TTC7A: variants seen among roughly 807,000 people sequenced by gnomAD.
TTC7A encodes the protein tetratricopeptide repeat protein 7A.
In TTC7A, 110 loss-of-function variants were observed where a neutral mutation model predicts 103.7. The observed-to-expected ratio is 1.06, with a 90% CI of 0.91 to 1.24. The LOEUF (loss-of-function observed/expected upper bound fraction) is 1.24, where lower values mean the gene tolerates loss of function less well. Among genes scored for constraint, TTC7A ranks in the 50% most tolerant of loss-of-function variants. The pLI is 0.00. For missense variants in TTC7A, 1,340 were observed against 1,116.3 expected (o/e 1.20, Z -2.86); for synonymous variants, 521 against 467.9 (o/e 1.11, Z -1.47).
intron 8 of TTC7A, among the ~76,000 whole-genome samples, chr2:47,003,723 C>T (rs1245828051): frequency 1.3e-5 from 2 of 152,184 alleles, no homozygotes; most frequent in Non-Finnish European, 2.9e-5. Flanking sequence ...AGCCTCCACT[C>T]GGGGATGTGC....
chr2:46,986,760 C>T (rs933350110), intron 5 of TTC7A, among the ~76,000 whole-genome samples: 1 of 152,190 alleles, frequency 6.6e-6, no homozygotes, highest in African/African-American at 2.4e-5. Flanking sequence ...GCCAGATGGC[C>T]ACAGGCAGTG....
intron 11 of TTC7A, among the ~76,000 whole-genome samples, chr2:47,014,206 G>A (rs7585571): frequency 0.59 from 89,101 of 151,970 alleles, 26,417 homozygotes; most frequent in East Asian, 0.79. Flanking sequence ...CACTTGCCAT[G>A]TCTTGCACTC....
At chr2:46,928,005 C>T (rs1669486018) in intron 2 of TTC7A, among the ~76,000 whole-genome samples, 1 of 150,700 alleles carries the variant, frequency 6.6e-6, no homozygotes, top group South Asian at 2.1e-4. Context: ...GTGATCCTCC[C>T]ACCTCTGCCT....
intron 1 of TTC7A, among the ~76,000 whole-genome samples, chr2:46,946,628 A>G (rs1045781291): frequency 3.3e-5 from 5 of 151,992 alleles, no homozygotes; most frequent in African/African-American, 1.2e-4. Flanking sequence ...CACTATGTTG[A>G]CCAGGCTGGT....
At chr2:47,019,384 A>AAC (rs1389775735) in intron 11 of TTC7A, among the ~76,000 whole-genome samples, 45 of 152,236 alleles carry the variant, frequency 3.0e-4, no homozygotes, top group African/African-American at 1.1e-3. Context: ...TAAAAAAAAA[A>AAC]ACACACACAA....
chr2:47,066,365 ACTG>A (rs1210198373), intron 19 of TTC7A, among the ~76,000 whole-genome samples: 4 of 152,030 alleles, frequency 2.6e-5, no homozygotes, highest in African/African-American at 9.7e-5. Flanking sequence ...GAAGCTCCCT[ACTG>A]CCACCCCTGG....
At chr2:46,927,881 G>T (rs1187504070) in intron 2 of TTC7A, among the ~76,000 whole-genome samples, 1 of 135,334 alleles carries the variant, frequency 7.4e-6, no homozygotes, top group South Asian at 2.3e-4. Context: ...GGGTTTTTTT[G>T]GTGTTTTTTT....
chr2:47,061,778 A>AT (rs1231471655), intron 19 of TTC7A, among the ~76,000 whole-genome samples: 38 of 152,096 alleles, frequency 2.5e-4, no homozygotes, highest in African/African-American at 8.9e-4. Flanking sequence ...ATAGATTATC[A>AT]TTTTTTCCTG....
At chr2:46,988,350 A>G (rs1038530423) in intron 5 of TTC7A, among the ~76,000 whole-genome samples, 1 of 152,184 alleles carries the variant, frequency 6.6e-6, no homozygotes, top group African/African-American at 2.4e-5. Context: ...AGGGGTGAAC[A>G]GTTTGATGAC....
chr2:47,011,781 A>G (rs2104488157), intron 11 of TTC7A, among the ~76,000 whole-genome samples: 1 of 152,390 alleles, frequency 6.6e-6, no homozygotes, highest in African/African-American at 2.4e-5. Context: ...CTGAGGCTTC[A>G]GATGACCTTA....
chr2:47,016,047 G>A (rs962902769), intron 11 of TTC7A, among the ~76,000 whole-genome samples: 1 of 152,192 alleles, frequency 6.6e-6, no homozygotes, highest in Non-Finnish European at 1.5e-5. Flanking sequence ...AGATTCCGAG[G>A]GCAAACCTTT....
At chr2:46,944,470 C>T (rs775110929) in intron 1 of TTC7A, among the ~76,000 whole-genome samples, 1 of 143,460 alleles carries the variant, frequency 7.0e-6, no homozygotes, top group South Asian at 2.3e-4. Flanking sequence ...CACTCAAACT[C>T]GTGGGCTCAA....
At chr2:47,037,514 G>A (rs1471826504) in intron 15 of TTC7A, among the ~76,000 whole-genome samples, 1 of 152,226 alleles carries the variant, frequency 6.6e-6, no homozygotes, top group East Asian at 1.9e-4. Context: ...AGAAACTAAT[G>A]TGAAAGTTAG....
rs535221885 is a variant in TTC7A, at chr2:46,916,238, C to T, written c.-352C>T. On this transcript the variant is annotated 5_prime_UTR_variant, in exon 1 of 21. Coordinates refer to the TTC7A transcript ENST00000409245. ...AGAAAGATAATAGGAATGCTAATTC[C>T]TTCTTGATGAAACGACCACAACACG... The T allele has an allele frequency of 2.5e-5, 23 of 903,974 alleles. 1 individual carries two copies. The African/African-American group carries it at 3.9e-4, about 15-fold the overall frequency. The allele number at this position is 903,974 out of a possible 1,614,324, so 56.0% of individuals were successfully genotyped here.
intron 1 of TTC7A, among the ~76,000 whole-genome samples, chr2:46,916,898 G>T (rs972231374): frequency 1.8e-4 from 28 of 152,066 alleles, no homozygotes; most frequent in African/African-American, 6.8e-4. Flanking sequence ...CTCCCAAAGT[G>T]CTGGGATTAC....
At chr2:46,991,037 C>G (rs1052786080) in intron 5 of TTC7A, among the ~76,000 whole-genome samples, 1 of 152,098 alleles carries the variant, frequency 6.6e-6, no homozygotes, top group Non-Finnish European at 1.5e-5. Flanking sequence ...CTCAGCTTCC[C>G]GAATAGCTGG....
At chr2:46,999,451 A>T in intron 8 of TTC7A, 1 of 983,708 alleles carries the variant, frequency 1.0e-6, no homozygotes, top group Non-Finnish European at 1.2e-6. Flanking sequence ...TCATCTGTCT[A>T]TCCACCCACC....
intron 2 of TTC7A, among the ~76,000 whole-genome samples, chr2:46,923,277 C>A (rs778920379): frequency 6.6e-6 from 1 of 152,240 alleles, no homozygotes; most frequent in Non-Finnish European, 1.5e-5. Context: ...GCCCCTCTCT[C>A]CTCCCTGGAG....
intron 15 of TTC7A, among the ~76,000 whole-genome samples, chr2:47,036,153 A>G (rs937666005): frequency 6.6e-5 from 10 of 152,220 alleles, no homozygotes; most frequent in African/African-American, 2.4e-4. Context: ...CCCGGAGGCC[A>G]GTTGTGTCAG....
Sources: gnomAD v4.1 joint callset for allele counts (sites outside exome capture counted in the v4.1 genomes callset) on GRCh38, gnomAD v4.1.1 for gene constraint, MANE v1.5 for transcripts, NCBI Gene and HGNC (gene_info 2026-07-23, HGNC 2026-07-21) for gene names.